COP1: variants seen among roughly 807,000 people sequenced by gnomAD.
COP1 encodes the protein E3 ubiquitin-protein ligase COP1.
A neutral mutation model predicts 101.3 loss-of-function variants in COP1; 24 were observed. That is an observed-to-expected ratio of 0.24 (90% CI 0.17 to 0.33). The LOEUF (loss-of-function observed/expected upper bound fraction) is 0.33. Among genes scored for constraint, COP1 ranks in the 10% least tolerant of loss-of-function variants. COP1 has a pLI of 1.00. For synonymous variants in COP1, 347 were observed against 341.9 expected (o/e 1.01, Z -0.17); for missense variants, 663 against 906.2 (o/e 0.73, Z 3.45).
chr1:176,177,746 C>T (rs1697166790), intron 2 of COP1, among the ~76,000 whole-genome samples: 1 of 152,118 alleles, frequency 6.6e-6, no homozygotes, highest in Non-Finnish European at 1.5e-5. Context: ...TTTATATCCA[C>T]TTACCTTCCC....
chr1:176,035,302 T>C (rs1282617999), intron 14 of COP1, among the ~76,000 whole-genome samples: 1 of 150,822 alleles, frequency 6.6e-6, no homozygotes, highest in African/African-American at 2.4e-5. Flanking sequence ...AAAATGGAGA[T>C]GACAGATGAA....
intron 11 of COP1, among the ~76,000 whole-genome samples, chr1:176,079,799 T>A (rs2149391015): frequency 6.6e-6 from 1 of 152,284 alleles, no homozygotes; most frequent in South Asian, 2.1e-4. Context: ...TGGGTGATGG[T>A]TATGTGAGGA....
intron 11 of COP1, among the ~76,000 whole-genome samples, chr1:176,056,788 G>A (rs114675289): frequency 6.6e-6 from 1 of 152,178 alleles, no homozygotes; most frequent in African/African-American, 2.4e-5. Context: ...TTGACCATCT[G>A]ATTTCTTTCT....
intron 18 of COP1, among the ~76,000 whole-genome samples, chr1:175,975,329 T>C (rs1421746737): frequency 2.0e-5 from 3 of 152,164 alleles, no homozygotes; most frequent in Non-Finnish European, 4.4e-5. Context: ...GGAGTTAATA[T>C]GGCATTTAAA....
chr1:176,165,395 T>TGTGTGTGTGTGTGTGG (rs1553302027), intron 3 of COP1, among the ~76,000 whole-genome samples: 1 of 142,612 alleles, frequency 7.0e-6, no homozygotes, highest in Admixed American at 7.0e-5. Context: ...TGTGTGTGTG[T>TGTGTGTGTGTGTGTGG]GTGTGTGTGT....
At chr1:176,131,623 T>C (rs978109924) in intron 8 of COP1, among the ~76,000 whole-genome samples, 1 of 151,838 alleles carries the variant, frequency 6.6e-6, no homozygotes, top group Non-Finnish European at 1.5e-5. Context: ...GGCATTTAAA[T>C]AATAAAGCTA....
At chr1:176,012,424 C>A (rs1372111393) in intron 15 of COP1, among the ~76,000 whole-genome samples, 1 of 152,016 alleles carries the variant, frequency 6.6e-6, no homozygotes, top group African/African-American at 2.4e-5. Flanking sequence ...CCGCACCCAG[C>A]CAAGCTAAGT....
chr1:176,025,123 G>C (rs1227438961), intron 15 of COP1, among the ~76,000 whole-genome samples: 2 of 152,096 alleles, frequency 1.3e-5, no homozygotes, highest in Non-Finnish European at 2.9e-5. Context: ...ATAAAATACT[G>C]TTTTGCTTCT....
At chr1:176,133,232 A>G (rs1689229568) in intron 8 of COP1, among the ~76,000 whole-genome samples, 1 of 144,402 alleles carries the variant, frequency 6.9e-6, no homozygotes, top group Non-Finnish European at 1.5e-5. Flanking sequence ...ATACGTACGT[A>G]TATGTACGTA....
intron 15 of COP1, among the ~76,000 whole-genome samples, chr1:175,990,781 G>A (rs1658226058): frequency 6.6e-6 from 1 of 151,916 alleles, no homozygotes; most frequent in South Asian, 2.1e-4. Flanking sequence ...CCTAAATATA[G>A]CCATTCTACC....
chr1:176,127,526 C>T (rs1688193997), intron 8 of COP1, among the ~76,000 whole-genome samples: 1 of 150,990 alleles, frequency 6.6e-6, no homozygotes, highest in Non-Finnish European at 1.5e-5. Flanking sequence ...AATGACAGAA[C>T]TTCCTGGGTC....
At chr1:175,972,957 C>T (rs900284436) in intron 18 of COP1, among the ~76,000 whole-genome samples, 1 of 152,024 alleles carries the variant, frequency 6.6e-6, no homozygotes, top group South Asian at 2.1e-4. Flanking sequence ...CTCAGCCTCC[C>T]GAGTAGCTGA....
intron 18 of COP1, among the ~76,000 whole-genome samples, chr1:175,951,804 G>A (rs1434486862): frequency 1.3e-5 from 2 of 152,076 alleles, no homozygotes; most frequent in African/African-American, 4.8e-5. Flanking sequence ...GCATCTCAGT[G>A]ACCTATTGGG....
chr1:176,164,183 A>AT (rs1358769677), intron 3 of COP1, among the ~76,000 whole-genome samples: 1 of 152,210 alleles, frequency 6.6e-6, no homozygotes, highest in African/African-American at 2.4e-5. Flanking sequence ...AGAAATCCTC[A>AT]TTCACCATGT....
At chr1:176,113,474 T>G (rs1217882265) in intron 9 of COP1, among the ~76,000 whole-genome samples, 1 of 152,178 alleles carries the variant, frequency 6.6e-6, no homozygotes, top group Admixed American at 6.5e-5. Context: ...TGCCAACATT[T>G]TCTCACATTC....
rs75520133 is a variant in COP1, at chr1:175,955,375, C to T, written c.2134-8136G>A. 5.3e-3 allele frequency among the ~76,000 whole-genome samples: 810 copies of T among 152,266 alleles called. 4 individuals are homozygous for T. Among genetic ancestry groups the T allele is most frequent in the Non-Finnish European group, 8.7e-3 (593 of 68,014 alleles). ...ATAAGGAATACCTATGAAAAACTTACAACTAACATCATACTTAGTGGTGAA... is the reference window on the plus strand; with the variant it reads ...ATAAGGAATACCTATGAAAAACTTATAACTAACATCATACTTAGTGGTGAA... On this transcript the variant is annotated intron_variant, in intron 18 of 19. Coordinates refer to ENST00000367669, the MANE Select transcript of COP1 (RefSeq NM_022457.7).
At chr1:176,174,003 A>AAAAAAAAAAAAAC (rs1696546422) in intron 3 of COP1, among the ~76,000 whole-genome samples, 1 of 149,810 alleles carries the variant, frequency 6.7e-6, no homozygotes, top group East Asian at 1.9e-4. Flanking sequence ...AAAAAAAAAA[A>AAAAAAAAAAAAAC]AAAAAGAGAA....
chr1:176,043,564 C>T, intron 13 of COP1, 146 bp downstream of exon 13: 1 of 617,410 alleles, frequency 1.6e-6, no homozygotes, highest in East Asian at 2.6e-5. Flanking sequence ...GAAAAAAAAG[C>T]ATTTGGTATT....
chr1:176,077,867 C>T (rs904370861), intron 11 of COP1, among the ~76,000 whole-genome samples: 5 of 151,220 alleles, frequency 3.3e-5, no homozygotes, highest in Non-Finnish European at 7.4e-5. Context: ...AACATTCTAG[C>T]TGAGAAAGAA....
Sources: allele counts gnomAD v4.1 joint callset (sites outside exome capture counted in the v4.1 genomes callset), GRCh38; gene constraint gnomAD v4.1.1; transcripts MANE v1.5; gene names NCBI Gene and HGNC (gene_info 2026-07-23, HGNC 2026-07-21).